The following AGAP1 variants were observed in gnomAD, a reference collection of about 807,000 sequenced individuals.
AGAP1 encodes the protein ArfGAP with GTPase domain, ankyrin repeat and PH domain 1.
Under a neutral mutation model 105.3 loss-of-function variants are expected in AGAP1, and 29 were observed. The observed-to-expected ratio is 0.28, with a 90% CI of 0.21 to 0.38. AGAP1 has a LOEUF of 0.38. Ranked by LOEUF, AGAP1 falls within the 10% of genes least tolerant of loss-of-function variation. AGAP1 has a pLI of 1.00. For synonymous variants in AGAP1, 509 were observed against 485.9 expected (o/e 1.05, Z -0.63); for missense variants, 998 against 1,165.1 (o/e 0.86, Z 2.09).
At chr2:235,846,796 C>T (rs1041698831) in intron 9 of AGAP1, among the ~76,000 whole-genome samples, 3 of 152,150 alleles carry the variant, frequency 2.0e-5, no homozygotes, top group Admixed American at 2.0e-4. Context: ...TCCACCATGC[C>T]TGGCTTTTTT....
rs1170832581 is a variant in AGAP1 at position 235,888,148 on chromosome 2, G to A, written c.1155+4699G>A. Among the ~76,000 whole-genome samples, 1 of 152,194 alleles carries A rather than the reference G, an allele frequency of 6.6e-6. No individual in the cohort carries two copies. The highest frequency in any genetic ancestry group is 2.4e-5 in the African/African-American group (1 of 41,446). On this transcript the variant is annotated intron_variant, in intron 10 of 17. Transcript: ENST00000304032. This position sits in a 1 kb window ranked among gnomAD's most constrained non-coding sequence, Gnocchi z 4.8. ...GCACACAAGGAACATTGGAGCAAGA[G>A]TAAACAACTGAGTCAAGTTTAAACG...
rs2058628376 is a variant in AGAP1, at chr2:236,076,017, AG to A, written c.2114+26740del. ...GCGGTGCCGCCCCCTCACATGGACC[AG>A]GGGTCTGGGGGCAGCTCTGCTCCTC... is the stretch of plus-strand genomic sequence containing the variant. On this transcript the variant is annotated intron_variant, in intron 16 of 17. Coordinates refer to ENST00000304032, the MANE Select transcript of AGAP1 (RefSeq NM_001037131.3). This position sits in a 1 kb window ranked among gnomAD's most constrained non-coding sequence, Gnocchi z 4.4. Among the ~76,000 whole-genome samples the A allele has an allele frequency of 6.6e-6, 1 of 152,218 alleles. No homozygotes were observed. The highest frequency in any genetic ancestry group is 2.4e-5 in the African/African-American group (1 of 41,460).
rs1440325476 is a variant in AGAP1, at chr2:236,001,398, T to C, written c.1645+32775T>C. 1.3e-5 allele frequency among the ~76,000 whole-genome samples: 2 copies of C among 151,972 alleles called. No homozygotes were observed. Among genetic ancestry groups the C allele is most frequent in the Non-Finnish European group, 2.9e-5 (2 of 67,990 alleles). On this transcript the variant is annotated intron_variant, in intron 13 of 17. Coordinates refer to ENST00000304032, the MANE Select transcript of AGAP1 (RefSeq NM_001037131.3). This position sits in a 1 kb window ranked among gnomAD's most constrained non-coding sequence, Gnocchi z 4.7. ...CCCAGTCTCTGTGTCCTCTGCACAGTAGGGAGCTGGGGAAGGTGTGTGGCT... is the reference window on the plus strand; with the variant it reads ...CCCAGTCTCTGTGTCCTCTGCACAGCAGGGAGCTGGGGAAGGTGTGTGGCT...
Position 236,036,938 on chromosome 2 carries a change from G to C in AGAP1, c.1800+223G>C, listed in dbSNP as rs2057401087. 6.6e-6 allele frequency among the ~76,000 whole-genome samples: 1 copy of C among 152,202 alleles called. No individual in the cohort carries two copies. The highest frequency in any genetic ancestry group is 2.4e-5 in the African/African-American group (1 of 41,460). On this transcript the variant is annotated intron_variant, in intron 14 of 17. Transcript: ENST00000304032. This position sits in a 1 kb window ranked among gnomAD's most constrained non-coding sequence, Gnocchi z 5.7. ...CTGACCGTGCTTCCCTGGCAGGAGAGCCAAGGTTAAATCTTCAGTCTGTCA... is the reference window on the plus strand; with the variant it reads ...CTGACCGTGCTTCCCTGGCAGGAGACCCAAGGTTAAATCTTCAGTCTGTCA...
In AGAP1 at chr2:236,056,755, T is replaced by C. The variant is rs1284770979; in HGVS notation, c.2114+7474T>C. On this transcript the variant is annotated intron_variant, in intron 16 of 17. Transcript: ENST00000304032. This position sits in a 1 kb window ranked among gnomAD's most constrained non-coding sequence, Gnocchi z 4.6. ...AACATGGCCGGAGCACACAGCGCCC[T>C]GTGTGCTTGGATTATCCCCATTCCC... Among the ~76,000 whole-genome samples the C allele has an allele frequency of 6.6e-6, 1 of 152,148 alleles. No homozygotes were observed. Among genetic ancestry groups the C allele is most frequent in the Non-Finnish European group, 1.5e-5 (1 of 68,014 alleles).
In AGAP1 at chr2:235,741,062, C is replaced by T. The variant is rs758316652; in HGVS notation, c.396+14C>T. Reference sequence around the variant, plus strand: ...CCGGAGGCGCAGGTGAGTATACATGCATGCCCCAAGCCTGCTTTTTTTCCC... The same window carrying T: ...CCGGAGGCGCAGGTGAGTATACATGTATGCCCCAAGCCTGCTTTTTTTCCC... On this transcript the variant is annotated intron_variant, in intron 4 of 17. Coordinates refer to ENST00000304032, the MANE Select transcript of AGAP1 (RefSeq NM_001037131.3). This position sits in a 1 kb window ranked among gnomAD's most constrained non-coding sequence, Gnocchi z 4.9. 1.9e-6 allele frequency: 3 copies of T among 1,608,464 alleles called. No homozygotes were observed. The highest frequency in any genetic ancestry group is 2.6e-6 in the Non-Finnish European group (3 of 1,175,896).
At position 235,963,601 on chromosome 2, in the gene AGAP1, T is replaced by G. The variant is rs953421329; in HGVS notation, c.1484-4861T>G. Among the ~76,000 whole-genome samples, 1 of 152,200 alleles carries G rather than the reference T, an allele frequency of 6.6e-6. No individual in the cohort carries two copies. Among genetic ancestry groups the G allele is most frequent in the Non-Finnish European group, 1.5e-5 (1 of 68,030 alleles). On this transcript the variant is annotated intron_variant, in intron 12 of 17. Coordinates refer to ENST00000304032, the MANE Select transcript of AGAP1 (RefSeq NM_001037131.3). The surrounding 1 kb of genome is among the most constrained non-coding windows in gnomAD (Gnocchi z 5.1). The stretch of plus-strand genomic sequence containing the variant: ...TAGGCAAGTTGAAAGATATGTGAGC[T>G]GAACACAAAGACAGTGTAATTTATC...
intron 1 of AGAP1, among the ~76,000 whole-genome samples, chr2:235,649,749 C>T (rs1032186651): frequency 6.6e-6 from 1 of 152,196 alleles, no homozygotes; most frequent in Non-Finnish European, 1.5e-5. Flanking sequence ...AGGAGCACTA[C>T]GCTGTAGGTT....
Position 235,787,590 on chromosome 2 carries a change from A to G in AGAP1, c.674-10169A>G, listed in dbSNP as rs1956727872. ...CAGCTGGCAGATTTGTCTGGATTTCACAATCTCCCACATCTAGCAAATTGC... is the reference window on the plus strand; with the variant it reads ...CAGCTGGCAGATTTGTCTGGATTTCGCAATCTCCCACATCTAGCAAATTGC... On this transcript the variant is annotated intron_variant, in intron 6 of 17. Coordinates refer to ENST00000304032, the MANE Select transcript of AGAP1 (RefSeq NM_001037131.3). This position sits in a 1 kb window ranked among gnomAD's most constrained non-coding sequence, Gnocchi z 4.4. Among the ~76,000 whole-genome samples the G allele has an allele frequency of 6.6e-6, 1 of 152,202 alleles. No homozygotes were observed. Among genetic ancestry groups the G allele is most frequent in the Non-Finnish European group, 1.5e-5 (1 of 68,050 alleles).
At chr2:235,540,657 A>AG (rs1943406609) in intron 1 of AGAP1, among the ~76,000 whole-genome samples, 1 of 152,174 alleles carries the variant, frequency 6.6e-6, no homozygotes, top group East Asian at 1.9e-4. Flanking sequence ...CAGTGCTGGG[A>AG]GAGAGTAATG....
Position 235,924,090 on chromosome 2 carries a change from G to A in AGAP1, c.1325-6675G>A, listed in dbSNP as rs149820579. Among the ~76,000 whole-genome samples, 29 of 152,126 alleles carry A rather than the reference G, an allele frequency of 1.9e-4. No homozygotes were observed. In the East Asian group the frequency reaches 5.6e-3, roughly 30 times the overall value. ...CAAACAGATGTGCCCCCCTCGCTGG[G>A]AGTAGACACTACCCCTGTCTCACCA... On this transcript the variant is annotated intron_variant, in intron 11 of 17. Transcript: ENST00000304032.
intron 1 of AGAP1, among the ~76,000 whole-genome samples, chr2:235,627,124 A>T (rs1424260130): frequency 6.6e-6 from 1 of 150,994 alleles, no homozygotes; most frequent in Non-Finnish European, 1.5e-5. Context: ...AAAACAATTC[A>T]GTCTATCTTA....
chr2:235,866,083 A>G lies in AGAP1; in HGVS notation c.1051-17262A>G, dbSNP rs1373999823. ...TCTGCTAAACCCTACGTCTTGCAGT[A>G]TATGGGTCACTCATCCAGATTTACT... On this transcript the variant is annotated intron_variant, in intron 9 of 17. Transcript: ENST00000304032. This position sits in a 1 kb window ranked among gnomAD's most constrained non-coding sequence, Gnocchi z 6.1. Among the ~76,000 whole-genome samples the G allele has an allele frequency of 6.6e-6, 1 of 152,188 alleles. No individual in the cohort carries two copies. The highest frequency in any genetic ancestry group is 1.5e-5 in the Non-Finnish European group (1 of 68,030).
At chr2:235,560,613 C>A (rs912595230) in intron 1 of AGAP1, among the ~76,000 whole-genome samples, 3 of 152,236 alleles carry the variant, frequency 2.0e-5, no homozygotes, top group African/African-American at 7.2e-5. Flanking sequence ...AGAGTTGCAG[C>A]ACTGTTGGCT....
rs897824689 is a variant in AGAP1 at position 236,003,846 on chromosome 2, T to C, written c.1646-32715T>C. On this transcript the variant is annotated intron_variant, in intron 13 of 17. Coordinates refer to ENST00000304032, the MANE Select transcript of AGAP1 (RefSeq NM_001037131.3). The surrounding 1 kb of genome is among the most constrained non-coding windows in gnomAD (Gnocchi z 4.2). ...CTATCTATAAATATGTAACTTTTTT[T>C]CCAAAGAACTTAAAATGAAAGAATA... 4.6e-5 allele frequency among the ~76,000 whole-genome samples: 7 copies of C among 152,072 alleles called. No homozygotes were observed. The highest frequency in any genetic ancestry group is 2.6e-4 in the Admixed American group (4 of 15,274).
rs941997366 is a variant in AGAP1 at position 235,611,342 on chromosome 2, C to T, written c.164-97837C>T. ...GCCCCTTGAGGTCAGGATGCTGCAA[C>T]GAATATAATAGAAAATGATGTTAAT... On this transcript the variant is annotated intron_variant, in intron 1 of 17. Coordinates refer to ENST00000304032, the MANE Select transcript of AGAP1 (RefSeq NM_001037131.3). The surrounding 1 kb of genome is among the most constrained non-coding windows in gnomAD (Gnocchi z 5.0). 1.3e-5 allele frequency among the ~76,000 whole-genome samples: 2 copies of T among 152,148 alleles called. No homozygotes were observed. The highest frequency in any genetic ancestry group is 2.9e-5 in the Non-Finnish European group (2 of 68,036).
chr2:235,779,153 A>T (rs1177058528), intron 6 of AGAP1, among the ~76,000 whole-genome samples: 1 of 152,236 alleles, frequency 6.6e-6, no homozygotes, highest in South Asian at 2.1e-4. Flanking sequence ...ACACAGACTC[A>T]TCTGCAAGGA....
chr2:235,998,866 A>G (rs1202536730), intron 13 of AGAP1, among the ~76,000 whole-genome samples: 2 of 136,054 alleles, frequency 1.5e-5, no homozygotes, highest in African/African-American at 5.6e-5. Context: ...CCATGGTGAG[A>G]GTTGGTGGTG....
chr2:235,815,347 C>T (rs1347300441), intron 9 of AGAP1, among the ~76,000 whole-genome samples: 1 of 152,210 alleles, frequency 6.6e-6, no homozygotes, highest in Non-Finnish European at 1.5e-5. Flanking sequence ...GCTGTGTCCT[C>T]CCGTGGCCTG....
Sources: gnomAD v4.1 joint callset for allele counts (sites outside exome capture counted in the v4.1 genomes callset) on GRCh38, gnomAD v4.1.1 for gene constraint, Gnocchi (gnomAD v3.1) non-coding constraint, MANE v1.5 for transcripts, NCBI Gene and HGNC (gene_info 2026-07-23, HGNC 2026-07-21) for gene names.